PACSIN2: variants seen among roughly 807,000 people sequenced by gnomAD.
The protein encoded by PACSIN2 is protein kinase C and casein kinase substrate in neurons protein 2.
Under a neutral mutation model 63.8 loss-of-function variants are expected in PACSIN2, and 25 were observed. The ratio of observed to expected loss-of-function variants is 0.39; its 90% CI spans 0.29 to 0.55. The LOEUF is 0.55. Ranked by LOEUF, PACSIN2 falls within the 20% of genes least tolerant of loss-of-function variation. The pLI, the probability that PACSIN2 is intolerant of heterozygous loss-of-function variation, is 0.62. For synonymous variants in PACSIN2, 255 were observed against 256.2 expected, an observed-to-expected ratio of 1.00 and a Z score of 0.05; for missense variants, 518 against 646.9, an observed-to-expected ratio of 0.80 and a Z score of 2.16.
chr22:42,913,480 CA>C (rs138842796), intron 1 of PACSIN2, among the ~76,000 whole-genome samples: 113 of 93,096 alleles, frequency 1.2e-3, no homozygotes, highest in Middle Eastern at 8.6e-3. Flanking sequence ...ACTCCGTCTC[CA>C]AAAAAAAAAA....
chr22:42,971,919 C>T lies in PACSIN2; in HGVS notation c.-78+43102G>A, dbSNP rs199924838. On this transcript the variant is annotated intron_variant, in intron 1 of 10. Coordinates refer to ENST00000263246, the MANE Select transcript of PACSIN2 (RefSeq NM_001184970.3). ...GGCAGCCTCCACCCGGCCGCCGCCC[C>T]GTCTGGAAGGTGGGGGGTGCCTCTG... Among the ~76,000 whole-genome samples the T allele has an allele frequency of 3.4e-4, 51 of 148,964 alleles. No individual in the cohort carries two copies. The East Asian group carries it at 9.3e-3, about 27-fold the overall frequency.
intron 10 of PACSIN2, among the ~76,000 whole-genome samples, chr22:42,875,651 G>A (rs1378406408): frequency 2.6e-5 from 4 of 151,822 alleles, no homozygotes; most frequent in African/African-American, 7.3e-5. Context: ...TTCTCCTGCC[G>A]CAGCCTCCTG....
chr22:42,926,514 G>A (rs1050296880), intron 1 of PACSIN2, among the ~76,000 whole-genome samples: 1 of 152,148 alleles, frequency 6.6e-6, no homozygotes, highest in East Asian at 1.9e-4. Context: ...GTGGGAGGAA[G>A]GGGAATCTTA....
chr22:42,945,556 G>GA (rs1276834467), intron 1 of PACSIN2, among the ~76,000 whole-genome samples: 1 of 152,000 alleles, frequency 6.6e-6, no homozygotes, highest in African/African-American at 2.4e-5. Context: ...TTCTACGTCA[G>GA]AAATGGTCCC....
At chr22:42,944,319 T>G (rs1344882684) in intron 1 of PACSIN2, among the ~76,000 whole-genome samples, 1 of 152,188 alleles carries the variant, frequency 6.6e-6, no homozygotes, top group Non-Finnish European at 1.5e-5. Flanking sequence ...CAATGTAACC[T>G]AGCTAAATAT....
chr22:42,899,672 C>A (rs1042181921), intron 2 of PACSIN2, among the ~76,000 whole-genome samples: 4 of 152,220 alleles, frequency 2.6e-5, no homozygotes, highest in African/African-American at 9.7e-5. Flanking sequence ...TACGATGACC[C>A]AGCAGCTTCA....
chr22:42,954,117 G>A (rs1045763088), intron 1 of PACSIN2, among the ~76,000 whole-genome samples: 2 of 152,142 alleles, frequency 1.3e-5, no homozygotes, highest in African/African-American at 4.8e-5. Context: ...CAAAAAATTA[G>A]CCAGGCATGG....
At chr22:42,873,412 T>G (rs1212614707) in intron 10 of PACSIN2, among the ~76,000 whole-genome samples, 1 of 151,932 alleles carries the variant, frequency 6.6e-6, no homozygotes, top group Non-Finnish European at 1.5e-5. Context: ...CTTCTCAAAC[T>G]GGGCAGAGGC....
chr22:42,884,996 C>T (rs1187121211), intron 5 of PACSIN2, among the ~76,000 whole-genome samples: 1 of 152,194 alleles, frequency 6.6e-6, no homozygotes, highest in Non-Finnish European at 1.5e-5. Flanking sequence ...GACATCTCTC[C>T]TTCACAGTGT....
At position 42,962,152 on chromosome 22, in the gene PACSIN2, G is replaced by C. The variant is rs370659754; in HGVS notation, c.-77-49995C>G. ...TAAAAAATACAAAAATTGTCTACCT[G>C]TTCCCTCCCCCAAGCCAGGATACCA... is the stretch of plus-strand genomic sequence containing the variant. On this transcript the variant is annotated intron_variant, in intron 1 of 10. Transcript: ENST00000263246. Among the ~76,000 whole-genome samples, 9 of 150,054 alleles carry C rather than the reference G, an allele frequency of 6.0e-5. No individual in the cohort carries two copies. The South Asian group carries it at 1.3e-3, about 21-fold the overall frequency.
At chr22:42,923,723 G>A (rs1259937267) in intron 1 of PACSIN2, among the ~76,000 whole-genome samples, 4 of 152,100 alleles carry the variant, frequency 2.6e-5, no homozygotes, top group East Asian at 1.9e-4. Flanking sequence ...CACTGCGCCC[G>A]GCCTCAACTA....
chr22:42,980,137 A>C (rs186736007), intron 1 of PACSIN2, among the ~76,000 whole-genome samples: 1 of 152,336 alleles, frequency 6.6e-6, no homozygotes, highest in Non-Finnish European at 1.5e-5. Flanking sequence ...ACAAGTATAG[A>C]GTATTGGGTG....
intron 2 of PACSIN2, among the ~76,000 whole-genome samples, chr22:42,900,500 C>T (rs960310785): frequency 6.6e-6 from 1 of 152,084 alleles, no homozygotes. Flanking sequence ...ATTTTATTTG[C>T]GAGAAGGGTC....
intron 1 of PACSIN2, among the ~76,000 whole-genome samples, chr22:42,978,639 C>T (rs73889008): frequency 0.026 from 3,892 of 152,250 alleles, 160 homozygotes; most frequent in African/African-American, 0.09. Flanking sequence ...GGCAGTCGGG[C>T]AACATTTCTG....
At chr22:42,896,994 T>G (rs1303191978) in intron 2 of PACSIN2, among the ~76,000 whole-genome samples, 1 of 152,196 alleles carries the variant, frequency 6.6e-6, no homozygotes, top group East Asian at 1.9e-4. Context: ...TAGAGTGCAG[T>G]GCCACAATCA....
intron 1 of PACSIN2, among the ~76,000 whole-genome samples, chr22:42,944,195 T>G (rs1933304594): frequency 6.6e-6 from 1 of 152,216 alleles, no homozygotes; most frequent in Non-Finnish European, 1.5e-5. Context: ...CAGCCTGGCC[T>G]GAGGGACTCT....
intron 1 of PACSIN2, among the ~76,000 whole-genome samples, chr22:42,969,595 G>A (rs1050418558): frequency 6.6e-5 from 10 of 152,094 alleles, no homozygotes; most frequent in African/African-American, 2.4e-4. Flanking sequence ...ATTGATTATC[G>A]CTGTAGATTG....
At chr22:42,982,036 C>T (rs1182690279) in intron 1 of PACSIN2, among the ~76,000 whole-genome samples, 5 of 110,382 alleles carry the variant, frequency 4.5e-5, no homozygotes, top group Admixed American at 8.1e-5. Context: ...CCGCCCCGTC[C>T]GGGAGGTGAG....
chr22:42,986,526 C>G (rs1029489566), intron 1 of PACSIN2, among the ~76,000 whole-genome samples: 2 of 152,196 alleles, frequency 1.3e-5, no homozygotes, highest in African/African-American at 4.8e-5. Context: ...CATTCCTCCA[C>G]AGTTCACGGA....
Sources: allele counts gnomAD v4.1 joint callset (sites outside exome capture counted in the v4.1 genomes callset), GRCh38; gene constraint gnomAD v4.1.1; transcripts MANE v1.5; gene names NCBI Gene and HGNC (gene_info 2026-07-23, HGNC 2026-07-21).